The following EPHB1 variants were observed in gnomAD, a reference collection of about 807,000 sequenced individuals.
EPHB1 encodes the protein ephrin type-B receptor 1.
In EPHB1, 30 loss-of-function variants were observed where a neutral mutation model predicts 94.4. That is an observed-to-expected ratio of 0.32 (90% CI 0.24 to 0.43). The LOEUF (loss-of-function observed/expected upper bound fraction) is 0.43, where lower values mean the gene tolerates loss of function less well. Among genes scored for constraint, EPHB1 ranks in the 20% least tolerant of loss-of-function variants. The pLI, the probability that EPHB1 is intolerant of heterozygous loss-of-function variation, is 1.00. For synonymous variants in EPHB1, 522 were observed against 489.1 expected, an observed-to-expected ratio of 1.07 and a Z score of -0.89; for missense variants, 1,055 against 1,308.3, an observed-to-expected ratio of 0.81 and a Z score of 2.99.
chr3:135,095,787 C>T (rs1280565072), intron 3 of EPHB1, among the ~76,000 whole-genome samples: 1 of 152,198 alleles, frequency 6.6e-6, no homozygotes, highest in Non-Finnish European at 1.5e-5. Flanking sequence ...TCACAGGCTG[C>T]TCTCTCCACC....
At chr3:134,841,267 G>T (rs6777246) in intron 1 of EPHB1, among the ~76,000 whole-genome samples, 30,608 of 152,094 alleles carry the variant, frequency 0.2, 3,203 homozygotes, top group South Asian at 0.45. Flanking sequence ...TGCTCTGCCT[G>T]TCCCAGCCAT....
At chr3:134,976,318 G>A (rs1351315847) in intron 3 of EPHB1, among the ~76,000 whole-genome samples, 1 of 152,186 alleles carries the variant, frequency 6.6e-6, no homozygotes, top group African/African-American at 2.4e-5. Flanking sequence ...CCTTTGCACT[G>A]CAGCCTGGCA....
intron 1 of EPHB1, among the ~76,000 whole-genome samples, chr3:134,922,945 A>T (rs1469806895): frequency 5.3e-5 from 8 of 152,194 alleles, no homozygotes; most frequent in Non-Finnish European, 1.2e-4. Context: ...CCTGGCGGAG[A>T]CATTTTAATA....
intron 1 of EPHB1, among the ~76,000 whole-genome samples, chr3:134,860,198 CTGGG>C (rs2037224305): frequency 6.6e-6 from 1 of 151,932 alleles, no homozygotes; most frequent in South Asian, 2.1e-4. Context: ...CACACACACT[CTGGG>C]AAAGGGGCAC....
intron 1 of EPHB1, among the ~76,000 whole-genome samples, chr3:134,906,393 T>A (rs2038329087): frequency 6.6e-6 from 1 of 152,194 alleles, no homozygotes; most frequent in African/African-American, 2.4e-5. Context: ...ATTCTAGAGG[T>A]CACACAAACT....
At chr3:134,900,106 C>T (rs1174624467) in intron 1 of EPHB1, among the ~76,000 whole-genome samples, 1 of 152,120 alleles carries the variant, frequency 6.6e-6, no homozygotes, top group African/African-American at 2.4e-5. Flanking sequence ...GATTCTTGAG[C>T]CTTGGTTTCT....
intron 3 of EPHB1, among the ~76,000 whole-genome samples, chr3:135,094,433 G>A (rs1000908864): frequency 2.0e-5 from 3 of 152,162 alleles, no homozygotes; most frequent in Admixed American, 1.3e-4. Flanking sequence ...AGATCGACAT[G>A]TTTATGCTGT....
chr3:135,058,975 T>C (rs181633857), intron 3 of EPHB1, among the ~76,000 whole-genome samples: 1 of 152,338 alleles, frequency 6.6e-6, no homozygotes, highest in Non-Finnish European at 1.5e-5. Flanking sequence ...AGAATACAAT[T>C]TGGAGAAGGG....
At chr3:134,898,171 G>A (rs115365508) in intron 1 of EPHB1, among the ~76,000 whole-genome samples, 1,781 of 152,244 alleles carry the variant, frequency 0.012, 34 homozygotes, top group African/African-American at 0.041. Context: ...CATGGGCCAA[G>A]CGTTTTGTGA....
chr3:134,845,945 C>T (rs2108297956), intron 1 of EPHB1, among the ~76,000 whole-genome samples: 1 of 151,426 alleles, frequency 6.6e-6, no homozygotes, highest in Middle Eastern at 3.4e-3. Context: ...CAGACACATG[C>T]TGGGAGGTGG....
intron 3 of EPHB1, among the ~76,000 whole-genome samples, chr3:135,092,017 C>T (rs773544636): frequency 6.6e-6 from 1 of 152,106 alleles, no homozygotes; most frequent in Admixed American, 6.5e-5. Flanking sequence ...AGGTCTGTGT[C>T]AGGGAGGAAA....
chr3:135,016,902 T>A (rs1935816543), intron 3 of EPHB1, among the ~76,000 whole-genome samples: 1 of 152,170 alleles, frequency 6.6e-6, no homozygotes, highest in Non-Finnish European at 1.5e-5. Flanking sequence ...CTGCAGAGAT[T>A]CCCAGAGTTC....
rs199549466 is a variant in EPHB1 at position 135,165,976 on chromosome 3, A to C, written c.1594A>C (p.Lys532Gln). 6.2e-7 allele frequency: 1 copy of C among 1,613,906 alleles called. No individual in the cohort carries two copies. The highest frequency in any genetic ancestry group is 1.3e-5 in the African/African-American group (1 of 75,040). The change falls in exon 8 of 16, where the codon AAG becomes CAG. Residue 532 changes from lysine (K) to glutamine (Q), a missense_variant. Transcript: ENST00000398015. The part of the protein sequence containing the change: ...CFQTLTDDDY[K>Q]SELREQLPLI... ...GCCTCTTTCTCACCTAGATGATTAC[A>C]AGTCAGAGCTGAGGGAGCAGCTGCC... is the stretch of plus-strand genomic sequence containing the variant.
intron 4 of EPHB1, among the ~76,000 whole-genome samples, chr3:135,118,985 G>A (rs1403363515): frequency 6.6e-6 from 1 of 152,152 alleles, no homozygotes; most frequent in African/African-American, 2.4e-5. Flanking sequence ...AGAGGCCTTG[G>A]CCAGTGTACA....
intron 3 of EPHB1, among the ~76,000 whole-genome samples, chr3:134,953,966 G>A (rs941924760): frequency 6.6e-6 from 1 of 152,172 alleles, no homozygotes; most frequent in Non-Finnish European, 1.5e-5. Context: ...TTCTAATCTT[G>A]AGCTATTGTG....
chr3:135,004,692 G>T (rs1049725791), intron 3 of EPHB1, among the ~76,000 whole-genome samples: 28 of 150,716 alleles, frequency 1.9e-4, no homozygotes, highest in African/African-American at 6.1e-4. Flanking sequence ...TTCCCTTCTC[G>T]CTTCATTTCA....
chr3:135,165,812 AT>A (rs1367938624), intron 7 of EPHB1, among the ~76,000 whole-genome samples, 155 bp from the exon 8 acceptor site: 1 of 152,192 alleles, frequency 6.6e-6, no homozygotes, highest in Non-Finnish European at 1.5e-5. Flanking sequence ...TAACTTAAAA[AT>A]TGCTGTTTGT....
At chr3:135,183,030 C>CT (rs11459145) in intron 10 of EPHB1, among the ~76,000 whole-genome samples, 4,631 of 64,744 alleles carry the variant, frequency 0.072, 60 homozygotes, top group African/African-American at 0.084. Context: ...CTTTTCTTTT[C>CT]TTTCTTTCTT....
chr3:135,223,819 A>G (rs772846886), intron 12 of EPHB1, among the ~76,000 whole-genome samples: 1 of 152,232 alleles, frequency 6.6e-6, no homozygotes, highest in Non-Finnish European at 1.5e-5. Context: ...AGTCTACACC[A>G]TGGATCAAAA....
Sources: allele counts gnomAD v4.1 joint callset (sites outside exome capture counted in the v4.1 genomes callset), GRCh38; gene constraint gnomAD v4.1.1; transcripts MANE v1.5; gene names NCBI Gene and HGNC (gene_info 2026-07-23, HGNC 2026-07-21).